TRAPPC9: variants seen among roughly 807,000 people sequenced by gnomAD.
The protein encoded by TRAPPC9 is trafficking protein particle complex subunit 9, also known as IKK2 binding protein.
A neutral mutation model predicts 124.0 loss-of-function variants in TRAPPC9; 83 were observed. The observed-to-expected ratio is 0.67, with a 90% CI of 0.56 to 0.80. The LOEUF (loss-of-function observed/expected upper bound fraction) is 0.80, where lower values mean the gene tolerates loss of function less well. Among genes scored for constraint, TRAPPC9 ranks in the 30% least tolerant of loss-of-function variants. TRAPPC9 has a pLI of 0.00. For synonymous variants in TRAPPC9, 638 were observed against 617.5 expected, an observed-to-expected ratio of 1.03 and a Z score of -0.49; for missense variants, 1,302 against 1,508.3, an observed-to-expected ratio of 0.86 and a Z score of 2.27.
chr8:139,839,629 C>T (rs552359894), intron 21 of TRAPPC9, among the ~76,000 whole-genome samples: 4 of 152,212 alleles, frequency 2.6e-5, no homozygotes, highest in Non-Finnish European at 5.9e-5. Context: ...AACTGCTCCC[C>T]GAAAGCGGAT....
In TRAPPC9 at chr8:139,776,173, TCA is replaced by T. The variant is rs1821355485; in HGVS notation, c.3056-43973_3056-43972del. ...AGTCATGGGGGCTTGGGACCCAGCC[TCA>T]GTCTCTGGGCTCCCCGACAGGGTTC... On this transcript the variant is annotated intron_variant, in intron 21 of 22. Coordinates refer to ENST00000438773, the MANE Select transcript of TRAPPC9 (RefSeq NM_001160372.4). The surrounding 1 kb of genome is among the most constrained non-coding windows in gnomAD (Gnocchi z 4.1). Among the ~76,000 whole-genome samples the T allele has an allele frequency of 6.6e-6, 1 of 152,146 alleles. No individual in the cohort carries two copies.
rs112132252 is a variant in TRAPPC9, at chr8:140,010,577, T to G, written c.2699+13360A>C. Reference sequence around the variant, plus strand: ...ACACAGAAGAAATGCAAATGTTCAGTAAACATAAAGATGGTTTACCTTACT... The same window carrying G: ...ACACAGAAGAAATGCAAATGTTCAGGAAACATAAAGATGGTTTACCTTACT... On this transcript the variant is annotated intron_variant, in intron 18 of 22. Transcript: ENST00000438773. Among the ~76,000 whole-genome samples, 17 of 152,278 alleles carry G rather than the reference T, an allele frequency of 1.1e-4. 1 individual carries two copies. The highest frequency in any genetic ancestry group is 4.1e-4 in the African/African-American group (17 of 41,574).
At chr8:140,448,027 C>T (rs1003831401) in intron 2 of TRAPPC9, among the ~76,000 whole-genome samples, 1 of 151,842 alleles carries the variant, frequency 6.6e-6, no homozygotes, top group South Asian at 2.1e-4. Context: ...CGCCTGTAAT[C>T]CCAGCTACTC....
chr8:140,147,277 A>G (rs1587807002), intron 17 of TRAPPC9, among the ~76,000 whole-genome samples: 1 of 152,214 alleles, frequency 6.6e-6, no homozygotes, highest in East Asian at 1.9e-4. Flanking sequence ...ACCTCTTTCG[A>G]TGTCTGGATC....
chr8:140,422,753 C>CA (rs34303137), intron 5 of TRAPPC9, among the ~76,000 whole-genome samples: 57,363 of 103,756 alleles, frequency 0.55, 14,024 homozygotes, highest in Middle Eastern at 0.67. Context: ...GATTCTGTCT[C>CA]AAAAAAAAAA....
At chr8:140,244,519 G>A (rs1011345285) in intron 16 of TRAPPC9, among the ~76,000 whole-genome samples, 3 of 152,160 alleles carry the variant, frequency 2.0e-5, no homozygotes, top group Admixed American at 6.5e-5. Flanking sequence ...AACCAAAGCA[G>A]GTGATGCTTT....
chr8:140,422,882 A>G (rs921875302), intron 5 of TRAPPC9, among the ~76,000 whole-genome samples: 1 of 152,198 alleles, frequency 6.6e-6, no homozygotes, highest in Non-Finnish European at 1.5e-5. Flanking sequence ...AATCACATGA[A>G]GAGATGCACA....
At chr8:139,963,824 A>G in intron 19 of TRAPPC9, among the ~76,000 whole-genome samples, 1 of 151,430 alleles carries the variant, frequency 6.6e-6, no homozygotes, top group Admixed American at 6.6e-5. Context: ...TTTCTATGTT[A>G]TTTAAAATAC....
chr8:140,253,704 A>G (rs1414021912), intron 15 of TRAPPC9, among the ~76,000 whole-genome samples: 2 of 152,020 alleles, frequency 1.3e-5, no homozygotes, highest in Non-Finnish European at 2.9e-5. Flanking sequence ...ATCAAATCAA[A>G]GAATTAAGGA....
rs115483976 is a variant in TRAPPC9, at chr8:139,737,304, G to C, written c.3056-5102C>G. ...GGGGGACCCGCTGCTCAATCACAAG[G>C]TGAGCCCTAGAACCGGGACCCAGTT... On this transcript the variant is annotated intron_variant, in intron 21 of 22. Coordinates refer to ENST00000438773, the MANE Select transcript of TRAPPC9 (RefSeq NM_001160372.4). 9.7e-3 allele frequency among the ~76,000 whole-genome samples: 1,478 copies of C among 152,316 alleles called. 22 individuals are homozygous for C. Among genetic ancestry groups the C allele is most frequent in the African/African-American group, 0.034 (1,409 of 41,576 alleles).
chr8:139,793,484 C>A (rs942947070), intron 21 of TRAPPC9, among the ~76,000 whole-genome samples: 36 of 152,154 alleles, frequency 2.4e-4, no homozygotes, highest in African/African-American at 8.7e-4. Context: ...CACCTGCCGC[C>A]TGGCCCCTGG....
At chr8:139,791,818 G>T (rs535255660) in intron 21 of TRAPPC9, among the ~76,000 whole-genome samples, 53 of 152,338 alleles carry the variant, frequency 3.5e-4, no homozygotes, top group African/African-American at 1.3e-3. Flanking sequence ...AAGGGACAGG[G>T]ACAGTGCACA....
intron 17 of TRAPPC9, among the ~76,000 whole-genome samples, chr8:140,214,702 T>C (rs535188406): frequency 1.3e-5 from 2 of 152,206 alleles, no homozygotes; most frequent in South Asian, 2.1e-4. Context: ...CTAAGATGCA[T>C]CCAATTCACA....
intron 8 of TRAPPC9, among the ~76,000 whole-genome samples, chr8:140,362,011 A>G (rs1424160538): frequency 6.6e-6 from 1 of 152,176 alleles, no homozygotes; most frequent in African/African-American, 2.4e-5. Flanking sequence ...CTCTTCCCTC[A>G]GCACTCTGCC....
In TRAPPC9 at chr8:140,087,683, G is replaced by A. The variant is rs1215930579; in HGVS notation, c.2557-63604C>T. ...CGCCCTCATCCAAGCCACTGTCATC[G>A]CTTGTCTGGACAATGCCACTGGCTC... On this transcript the variant is annotated intron_variant, in intron 17 of 22. Transcript: ENST00000438773. This position sits in a 1 kb window ranked among gnomAD's most constrained non-coding sequence, Gnocchi z 4.6. Among the ~76,000 whole-genome samples the A allele has an allele frequency of 1.3e-5, 2 of 152,108 alleles. No individual in the cohort carries two copies. The highest frequency in any genetic ancestry group is 2.9e-5 in the Non-Finnish European group (2 of 68,034).
chr8:139,756,745 G>T (rs1218364063), intron 21 of TRAPPC9, among the ~76,000 whole-genome samples: 73 of 97,400 alleles, frequency 7.5e-4, no homozygotes, highest in Admixed American at 1.8e-3. Flanking sequence ...AGCCAGGGTT[G>T]GGGTATAAGG....
rs1026349172 is a variant in TRAPPC9 at position 139,803,316 on chromosome 8, G to A, written c.3056-71114C>T. Among the ~76,000 whole-genome samples, 7 of 152,358 alleles carry A rather than the reference G, an allele frequency of 4.6e-5. No individual in the cohort carries two copies. In the East Asian group the frequency reaches 9.6e-4, roughly 21 times the overall value. On this transcript the variant is annotated intron_variant, in intron 21 of 22. Coordinates refer to ENST00000438773, the MANE Select transcript of TRAPPC9 (RefSeq NM_001160372.4). ...CAACGTCCGTTGGAAACTCTAGAGC[G>A]GCGAGTCCTGCAGCCTGCCCTGCCC...
rs116860708 is a variant in TRAPPC9 at position 140,325,297 on chromosome 8, G to A, written c.1496-13923C>T. 2.4e-3 allele frequency among the ~76,000 whole-genome samples: 361 copies of A among 152,026 alleles called. 3 individuals are homozygous for A. Among genetic ancestry groups the A allele is most frequent in the East Asian group, 0.019 (98 of 5,174 alleles). On this transcript the variant is annotated intron_variant, in intron 9 of 22. Coordinates refer to ENST00000438773, the MANE Select transcript of TRAPPC9 (RefSeq NM_001160372.4). ...GTCTGCACTGTAGAAGCTAGAAAAA[G>A]ACATAAAATTAAATATAAAGTTGAA...
chr8:139,861,973 G>A (rs1296773079), intron 21 of TRAPPC9, among the ~76,000 whole-genome samples: 2 of 152,174 alleles, frequency 1.3e-5, no homozygotes, highest in Non-Finnish European at 2.9e-5. Flanking sequence ...ATTCTCCAAA[G>A]AGCCTTGGAC....
Sources: allele counts gnomAD v4.1 joint callset (sites outside exome capture counted in the v4.1 genomes callset), GRCh38; gene constraint gnomAD v4.1.1; non-coding constraint Gnocchi (gnomAD v3.1); transcripts MANE v1.5; gene names NCBI Gene and HGNC (gene_info 2026-07-23, HGNC 2026-07-21).